RAD9B: variants seen among roughly 807,000 people sequenced by gnomAD.
RAD9B encodes cell cycle checkpoint control protein RAD9B.
Under a neutral mutation model 48.3 loss-of-function variants are expected in RAD9B, and 41 were observed. The observed-to-expected ratio is 0.85, with a 90% CI of 0.66 to 1.10. The LOEUF (loss-of-function observed/expected upper bound fraction) is 1.10. Ranked by LOEUF, RAD9B falls within the 50% of genes least tolerant of loss-of-function variation. RAD9B has a pLI of 0.00. For synonymous variants in RAD9B, 160 were observed against 157.9 expected (o/e 1.01, Z -0.10); for missense variants, 444 against 485.1 (o/e 0.92, Z 0.80).
At chr12:110,515,947 A>T (rs2135696127) in intron 6 of RAD9B, among the ~76,000 whole-genome samples, 1 of 152,260 alleles carries the variant, frequency 6.6e-6, no homozygotes, top group African/African-American at 2.4e-5. Flanking sequence ...CATATGAAGA[A>T]ATTGAAAGCA....
At position 110,516,152 on chromosome 12, in the gene RAD9B, G is replaced by A. The variant is rs534092711; in HGVS notation, c.595+996G>A. ...TAAGGTGGAAGGATTGCTTGAGCCC[G>A]TAAGTTTGAGACTGCAGTGAGCCAT... is the stretch of plus-strand genomic sequence containing the variant. On this transcript the variant is annotated intron_variant, in intron 6 of 10. Transcript: ENST00000409300. Among the ~76,000 whole-genome samples, 31 of 152,054 alleles carry A rather than the reference G, an allele frequency of 2.0e-4. 1 individual carries two copies. The highest frequency in any genetic ancestry group is 4.1e-4 in the South Asian group (2 of 4,822).
intron 1 of RAD9B, chr12:110,502,643 A>G: frequency 2.0e-6 from 1 of 509,716 alleles, no homozygotes; most frequent in Non-Finnish European, 3.5e-6. Context: ...CAAACTCGGG[A>G]TGCTGAGGAC....
rs931797504 is a variant in RAD9B at position 110,517,729 on chromosome 12, G to C, written c.596-947G>C. Among the ~76,000 whole-genome samples, 8 of 147,266 alleles carry C rather than the reference G, an allele frequency of 5.4e-5. No individual in the cohort carries two copies. In the Admixed American group the frequency reaches 5.5e-4, roughly 10 times the overall value. ...CAGAGAGGTTTAATGAAGCAATTTT[G>C]TAGTGGAAAACACAAAACATTGACA... is the stretch of plus-strand genomic sequence containing the variant. On this transcript the variant is annotated intron_variant, in intron 6 of 10. Transcript: ENST00000409300.
chr12:110,506,596 T>G lies in RAD9B; in HGVS notation c.291T>G (p.Phe97Leu). The G allele has an allele frequency of 1.3e-6, 2 of 1,581,096 alleles. No individual in the cohort carries two copies. Among genetic ancestry groups the G allele is most frequent in the Non-Finnish European group, 1.7e-6 (2 of 1,150,514 alleles). ...TGTTACAGTCAATTTTGCCCATCTT[T>G]AGATGTCTGAATTCCCTTGAAAGAA... ...KLGMKSILPIFRCLNSLERNI... is the reference protein window; with the variant it reads ...KLGMKSILPILRCLNSLERNI... Residue 97 changes from phenylalanine (F) to leucine (L), a missense_variant, in exon 4 of 11, where the codon TTT becomes TTG. Phe to Leu is a conservative substitution (Grantham distance 22). Coordinates refer to ENST00000409300, the MANE Select transcript of RAD9B (RefSeq NM_001286535.2).
chr12:110,507,021 G>A (rs2063295800), intron 4 of RAD9B, among the ~76,000 whole-genome samples: 1 of 151,862 alleles, frequency 6.6e-6, no homozygotes, highest in Non-Finnish European at 1.5e-5. Context: ...TGTATTTTTA[G>A]TAGAGACGGG....
intron 9 of RAD9B, 84 bp from the exon 10 acceptor site, chr12:110,522,093 T>C (rs1201544674): frequency 1.7e-5 from 15 of 883,198 alleles, no homozygotes; most frequent in Non-Finnish European, 2.4e-5. Context: ...GTGCTATCAT[T>C]GTCATCCCAC....
At position 110,531,838 on chromosome 12, in the gene RAD9B, A is replaced by T; in HGVS notation, c.*1185A>T. ...CCTGTTTACAGTCAATTATAACCTG[A>T]CAAACGAGACTTTTGTAACATATTA... On this transcript the variant is annotated 3_prime_UTR_variant, in exon 11 of 11. Coordinates refer to ENST00000409300, the MANE Select transcript of RAD9B (RefSeq NM_001286535.2). 1 of 517,616 alleles carries T rather than the reference A, an allele frequency of 1.9e-6. No individual in the cohort carries two copies. The highest frequency in any genetic ancestry group is 3.4e-6 in the Non-Finnish European group (1 of 295,540). 32.1% of individuals were successfully genotyped at this position (517,616 alleles called of 1,614,324 possible).
At chr12:110,503,752 G>GT (rs2063171967) in intron 1 of RAD9B, 54 bp from the exon 2 acceptor site, 6 of 1,309,804 alleles carry the variant, frequency 4.6e-6, no homozygotes, top group African/African-American at 1.5e-5. Flanking sequence ...CTTGTGATTT[G>GT]TTTTTATTGT....
intron 4 of RAD9B, chr12:110,508,170 T>C (rs540507053): frequency 1.4e-4 from 23 of 169,366 alleles, no homozygotes; most frequent in Middle Eastern, 1.0e-3. Context: ...TCTCCACTTA[T>C]TAGTTTTGGG....
intron 5 of RAD9B, 91 bp downstream of exon 5, chr12:110,512,969 C>A: frequency 4.8e-6 from 3 of 628,212 alleles, no homozygotes; most frequent in Non-Finnish European, 5.4e-6. Flanking sequence ...TCAGTCGGCA[C>A]ATTTTTTTTT....
intron 3 of RAD9B, 25 bp from the exon 4 acceptor site, chr12:110,506,554 C>A: frequency 9.3e-7 from 1 of 1,072,592 alleles, no homozygotes; most frequent in Non-Finnish European, 1.5e-6. Flanking sequence ...TAAGTATGTG[C>A]TTAATATGTA....
intron 10 of RAD9B, among the ~76,000 whole-genome samples, chr12:110,523,282 A>G (rs902502846): frequency 6.6e-6 from 1 of 152,052 alleles, no homozygotes; most frequent in African/African-American, 2.4e-5. Flanking sequence ...AAAAACTTAA[A>G]TATTAGCCAG....
At chr12:110,510,404 A>T (rs1164838926) in intron 4 of RAD9B, among the ~76,000 whole-genome samples, 1 of 152,122 alleles carries the variant, frequency 6.6e-6, no homozygotes, top group Non-Finnish European at 1.5e-5. Context: ...CTCATTTTGA[A>T]TTTCACCCGG....
chr12:110,504,478 CAAAA>C (rs765939893), intron 2 of RAD9B, among the ~76,000 whole-genome samples: 3 of 58,140 alleles, frequency 5.2e-5, no homozygotes, highest in Admixed American at 1.8e-4. Flanking sequence ...GACTCCGTCC[CAAAA>C]AAAAAAAAAA....
intron 6 of RAD9B, 54 bp downstream of exon 6, chr12:110,515,210 G>A (rs558367991): frequency 9.1e-6 from 8 of 877,946 alleles, no homozygotes; most frequent in East Asian, 2.7e-5. Flanking sequence ...CCTGTCTCTC[G>A]ATTACTAACC....
intron 10 of RAD9B, among the ~76,000 whole-genome samples, chr12:110,529,187 G>T (rs1382502399): frequency 2.6e-5 from 4 of 152,054 alleles, no homozygotes; most frequent in Non-Finnish European, 5.9e-5. Flanking sequence ...CGCTCTTGTT[G>T]CCCAGGCTGG....
At position 110,531,585 on chromosome 12, in the gene RAD9B, A is replaced by G. The variant is rs1265272818; in HGVS notation, c.*932A>G. 4.4e-6 allele frequency: 7 copies of G among 1,598,910 alleles called. No homozygotes were observed. The highest frequency in any genetic ancestry group is 2.2e-5 in the East Asian group (1 of 44,808). On this transcript the variant is annotated 3_prime_UTR_variant, in exon 11 of 11. Coordinates refer to ENST00000409300, the MANE Select transcript of RAD9B (RefSeq NM_001286535.2). The stretch of plus-strand genomic sequence containing the variant: ...TTTTTATTTTGCAGTGTGCTGCAGG[A>G]AAGAATTTAATGGAAGTGATGCCAA...
intron 4 of RAD9B, chr12:110,511,689 G>A (rs1405366091): frequency 4.9e-6 from 1 of 202,234 alleles, no homozygotes; most frequent in Non-Finnish European, 1.1e-5. Flanking sequence ...GTTAGCAGCG[G>A]TGTATTCTGT....
chr12:110,530,178 G>A (rs977644804), intron 10 of RAD9B, among the ~76,000 whole-genome samples: 1 of 152,162 alleles, frequency 6.6e-6, no homozygotes, highest in Admixed American at 6.5e-5. Flanking sequence ...GAGTAGCTAG[G>A]ACTACAGGTG....
Sources: allele counts gnomAD v4.1 joint callset (sites outside exome capture counted in the v4.1 genomes callset), GRCh38; gene constraint gnomAD v4.1.1; transcripts MANE v1.5; gene names NCBI Gene and HGNC (gene_info 2026-07-23, HGNC 2026-07-21).